The following FMN1 variants were observed in gnomAD, a reference collection of about 807,000 sequenced individuals.
The protein encoded by FMN1 is formin-1.
FMN1 carries 110 observed loss-of-function variants against 132.4 expected under a neutral mutation model. The observed-to-expected ratio is 0.83, with a 90% confidence interval of 0.71 to 0.97. The LOEUF (loss-of-function observed/expected upper bound fraction) is 0.97. Among genes scored for constraint, FMN1 ranks in the 50% least tolerant of loss-of-function variants. FMN1 has a pLI of 0.00. For missense variants in FMN1, 1,792 were observed against 1,705.3 expected, an observed-to-expected ratio of 1.05 and a Z score of -0.90; for synonymous variants, 722 against 651.7, an observed-to-expected ratio of 1.11 and a Z score of -1.64.
rs187873410 is a variant in FMN1, at chr15:32,811,276, G to A, written c.3929-6944C>T. ...TCCTGGTTGTGGTGAAATTAGAAGAGTGATCATTTCTGGTCTGTCAGAGCA... is the reference window on the plus strand; with the variant it reads ...TCCTGGTTGTGGTGAAATTAGAAGAATGATCATTTCTGGTCTGTCAGAGCA... On this transcript the variant is annotated intron_variant, in intron 17 of 20. Transcript: ENST00000616417. 8.7e-4 allele frequency among the ~76,000 whole-genome samples: 133 copies of A among 152,286 alleles called. No individual in the cohort carries two copies. In the South Asian group the frequency reaches 0.024, roughly 27 times the overall value.
intron 15 of FMN1, among the ~76,000 whole-genome samples, chr15:32,895,569 T>C (rs2060133776): frequency 1.3e-5 from 2 of 152,190 alleles, no homozygotes; most frequent in South Asian, 2.1e-4. Context: ...CCATTTGACT[T>C]AGAGACCTTA....
At chr15:33,104,477 G>A (rs2039408274) in intron 4 of FMN1, among the ~76,000 whole-genome samples, 1 of 140,146 alleles carries the variant, frequency 7.1e-6, no homozygotes, top group Non-Finnish European at 1.5e-5. Flanking sequence ...AGAGATGCAG[G>A]AAGTTTGAAA....
At chr15:33,129,041 G>T (rs896110924) in intron 4 of FMN1, among the ~76,000 whole-genome samples, 1 of 142,346 alleles carries the variant, frequency 7.0e-6, no homozygotes, top group Admixed American at 6.8e-5. Context: ...CAATCCTCTA[G>T]CTAGACACAG....
chr15:32,990,746 G>A (rs571068096), intron 7 of FMN1, among the ~76,000 whole-genome samples: 1 of 152,256 alleles, frequency 6.6e-6, no homozygotes, highest in South Asian at 2.1e-4. Flanking sequence ...TGCCTGTGGA[G>A]GCCTCAGGAA....
chr15:33,127,141 G>A (rs1165452393), intron 4 of FMN1, among the ~76,000 whole-genome samples: 1 of 151,700 alleles, frequency 6.6e-6, no homozygotes, highest in Non-Finnish European at 1.5e-5. Context: ...AGCAGTAGCA[G>A]ACTTCCCATG....
chr15:32,939,449 A>AT (rs35662665), intron 9 of FMN1, among the ~76,000 whole-genome samples: 4,934 of 150,738 alleles, frequency 0.033, 143 homozygotes, highest in African/African-American at 0.081. Context: ...CATGACAAAG[A>AT]TTTTTTTTTT....
intron 9 of FMN1, among the ~76,000 whole-genome samples, chr15:32,934,982 C>T (rs557179588): frequency 2.5e-4 from 38 of 151,512 alleles, no homozygotes; most frequent in Non-Finnish European, 3.7e-4. Flanking sequence ...AGTGCAATGG[C>T]ATGATCTCCA....
rs1555488052 is a variant in FMN1 at position 32,893,377 on chromosome 15, T to TGTGTGTGCGCTC, written c.3715-5086_3715-5085insGAGCGCACACAC. On this transcript the variant is annotated intron_variant, in intron 15 of 20. Transcript: ENST00000616417. Reference sequence around the variant, plus strand: ...AGTCCTGGTTTTGATTGCGTGTGTGTGTGTGCGCGCTCGTGCGCGCGCTAG... The same window carrying TGTGTGTGCGCTC: ...AGTCCTGGTTTTGATTGCGTGTGTGTGTGTGTGCGCTCGTGTGCGCGCTCGTGCGCGCGCTAG... Among the ~76,000 whole-genome samples the TGTGTGTGCGCTC allele has an allele frequency of 6.3e-3, 953 of 152,318 alleles. 3 individuals carry two copies. Among genetic ancestry groups the TGTGTGTGCGCTC allele is most frequent in the African/African-American group, 0.022 (913 of 41,552 alleles).
At chr15:33,156,544 C>A (rs1964681373) in intron 3 of FMN1, among the ~76,000 whole-genome samples, 1 of 151,922 alleles carries the variant, frequency 6.6e-6, no homozygotes, top group African/African-American at 2.4e-5. Context: ...CCCACTTCAG[C>A]TTCTCAGAGT....
intron 9 of FMN1, among the ~76,000 whole-genome samples, chr15:32,953,313 T>C (rs917273611): frequency 6.6e-6 from 1 of 152,168 alleles, no homozygotes; most frequent in Non-Finnish European, 1.5e-5. Context: ...ATGGCTAACC[T>C]TGCTGCCCTA....
chr15:32,993,475 G>A (rs183153900), intron 7 of FMN1, among the ~76,000 whole-genome samples: 12 of 152,238 alleles, frequency 7.9e-5, no homozygotes, highest in African/African-American at 2.4e-4. Context: ...ACAAGAAACT[G>A]CCCCCTGTCT....
At chr15:33,079,898 A>C (rs978767887) in intron 5 of FMN1, among the ~76,000 whole-genome samples, 12 of 152,162 alleles carry the variant, frequency 7.9e-5, no homozygotes, top group Admixed American at 1.3e-4. Context: ...TGATTTTTCC[A>C]AATTGATCAG....
At chr15:33,007,709 T>A (rs561026658) in intron 7 of FMN1, among the ~76,000 whole-genome samples, 1 of 152,230 alleles carries the variant, frequency 6.6e-6, no homozygotes, top group South Asian at 2.1e-4. Flanking sequence ...AAAAAAAAAC[T>A]TCTACTATAT....
In FMN1 at chr15:33,090,647, C is replaced by T. The variant is rs187319798; in HGVS notation, c.1868-1673G>A. 4.2e-3 allele frequency among the ~76,000 whole-genome samples: 637 copies of T among 152,258 alleles called. 24 individuals are homozygous for T. The South Asian group carries it at 0.086, about 21-fold the overall frequency. On this transcript the variant is annotated intron_variant, in intron 4 of 20. Coordinates refer to ENST00000616417, the MANE Select transcript of FMN1 (RefSeq NM_001277313.2). Reference sequence around the variant, plus strand: ...GGTCAGATCCCTTAGAACAAAGTGCCTTTCCACTCAATCCCCTTGCTACCC... The same window carrying T: ...GGTCAGATCCCTTAGAACAAAGTGCTTTTCCACTCAATCCCCTTGCTACCC...
chr15:33,114,278 G>GA (rs1162441437), intron 4 of FMN1, among the ~76,000 whole-genome samples: 1 of 152,238 alleles, frequency 6.6e-6, no homozygotes, highest in Non-Finnish European at 1.5e-5. Flanking sequence ...GACGAGGAAT[G>GA]AAGCAGCTCA....
chr15:33,179,569 T>A (rs1965627377), intron 3 of FMN1, among the ~76,000 whole-genome samples: 1 of 152,194 alleles, frequency 6.6e-6, no homozygotes, highest in African/African-American at 2.4e-5. Context: ...CCCTGAGGCA[T>A]CTGTCTCCAT....
Position 33,121,186 on chromosome 15 carries a change from A to C in FMN1, c.1867+31862T>G, listed in dbSNP as rs1297974747. Among the ~76,000 whole-genome samples, 7 of 152,340 alleles carry C rather than the reference A, an allele frequency of 4.6e-5. No homozygotes were observed. In the East Asian group the frequency reaches 1.3e-3, roughly 29 times the overall value. ...TTAGATCAACAACAACAAAAAATTA[A>C]ACTCTTGCCTTTTATCAATAGAGCA... On this transcript the variant is annotated intron_variant, in intron 4 of 20. Coordinates refer to ENST00000616417, the MANE Select transcript of FMN1 (RefSeq NM_001277313.2).
At chr15:33,139,153 T>C (rs1204845829) in intron 4 of FMN1, among the ~76,000 whole-genome samples, 2 of 152,248 alleles carry the variant, frequency 1.3e-5, no homozygotes, top group Non-Finnish European at 2.9e-5. Context: ...TAATCCATAT[T>C]GACTATGAGT....
intron 6 of FMN1, among the ~76,000 whole-genome samples, chr15:33,050,078 T>G (rs1039192115): frequency 6.6e-6 from 1 of 152,238 alleles, no homozygotes; most frequent in African/African-American, 2.4e-5. Context: ...AGGCTTTGTG[T>G]TCAATGATTC....
Sources: gnomAD v4.1 joint callset for allele counts (sites outside exome capture counted in the v4.1 genomes callset) on GRCh38, gnomAD v4.1.1 for gene constraint, MANE v1.5 for transcripts, NCBI Gene and HGNC (gene_info 2026-07-23, HGNC 2026-07-21) for gene names.